Variants in SMARCA1 observed in about 807,000 individuals in gnomAD.
SMARCA1 encodes the protein SWI/SNF-related matrix-associated actin-dependent regulator of chromatin subfamily A member 1.
A neutral mutation model predicts 93.6 loss-of-function variants in SMARCA1; 17 were observed. The observed-to-expected ratio is 0.18, with a 90% CI of 0.12 to 0.27. The LOEUF is 0.27. Among genes scored for constraint, SMARCA1 ranks in the 10% least tolerant of loss-of-function variants. The probability of loss-of-function intolerance (pLI) is 1.00; values close to 1 mark genes in which losing one functional copy is unlikely to be tolerated. For missense variants in SMARCA1, 630 were observed against 819.0 expected, an observed-to-expected ratio of 0.77 and a Z score of 2.82; for synonymous variants, 271 against 271.4, an observed-to-expected ratio of 1.00 and a Z score of 0.01.
rs373290591 is a variant in SMARCA1 at position 129,490,082 on chromosome X, G to A, written c.1926C>T (p.Leu642=). Residue 642 remains leucine (L), a synonymous_variant, in exon 15 of 25, where the codon CTC becomes CTT. Coordinates refer to ENST00000371121, the MANE Select transcript of SMARCA1 (RefSeq NM_001282874.2). ...TACCTTGTTGTATAACAATTGAATC[G>A]AGTCTCAGTTTTATCTCAGCTCTTT... The part of the protein sequence containing the change: ...IVERAEIKLR[L]DSIVIQQGRL... The A allele has an allele frequency of 6.7e-6, 8 of 1,189,809 alleles. No homozygotes were observed. Among genetic ancestry groups the A allele is most frequent in the South Asian group, 3.6e-5 (2 of 55,050 alleles).
At chrX:129,473,889 T>C (rs1184090984) in intron 19 of SMARCA1, among the ~76,000 whole-genome samples, 4 of 111,610 alleles carry the variant, frequency 3.6e-5, no homozygotes, top group Non-Finnish European at 7.5e-5. Flanking sequence ...CATAAGTGTA[T>C]GCACTTGTGA....
At chrX:129,511,669 C>G (rs187230912) in intron 6 of SMARCA1, 135 bp downstream of exon 6, 1 of 427,771 alleles carries the variant, frequency 2.3e-6, no homozygotes, top group African/African-American at 2.5e-5. Context: ...AAAACAGAGT[C>G]TAGCTTAGAG....
chrX:129,447,842 C>A (rs1394176546), intron 24 of SMARCA1, among the ~76,000 whole-genome samples: 1 of 111,830 alleles, frequency 8.9e-6, no homozygotes, highest in Non-Finnish European at 1.9e-5. Context: ...ACAAAGCAAC[C>A]TGACTGGATT....
intron 7 of SMARCA1, among the ~76,000 whole-genome samples, chrX:129,506,700 AAAAAAAAAAAAAAAG>A (rs1360492126): frequency 3.0e-5 from 3 of 100,151 alleles, no homozygotes; most frequent in Non-Finnish European, 6.0e-5. Context: ...AAAAAAAAAA[AAAAAAAAAAAAAAAG>A]GAAGAAGAAT....
At chrX:129,466,209 G>A (rs1270981430) in intron 21 of SMARCA1, among the ~76,000 whole-genome samples, 2 of 111,300 alleles carry the variant, frequency 1.8e-5, no homozygotes, top group Admixed American at 9.6e-5. Flanking sequence ...GGAGTCTTAC[G>A]ATCCATCCCA....
At chrX:129,475,397 T>C (rs1254371614) in intron 19 of SMARCA1, among the ~76,000 whole-genome samples, 2 of 110,382 alleles carry the variant, frequency 1.8e-5, no homozygotes, top group African/African-American at 6.6e-5. Context: ...TGGGTACCTG[T>C]AATCCCAGCT....
chrX:129,522,652 G>A (rs1319534703), intron 1 of SMARCA1, among the ~76,000 whole-genome samples: 5 of 111,277 alleles, frequency 4.5e-5, no homozygotes, highest in African/African-American at 1.6e-4. Flanking sequence ...CATTGCCAAT[G>A]AAAGAAAGAA....
chrX:129,494,684 C>T (rs775174932), intron 12 of SMARCA1, among the ~76,000 whole-genome samples: 7 of 111,390 alleles, frequency 6.3e-5, no homozygotes, highest in Non-Finnish European at 1.1e-4. Context: ...GTACGTACTG[C>T]AATATGCCGT....
At chrX:129,476,636 CT>C (rs1167445120) in intron 19 of SMARCA1, among the ~76,000 whole-genome samples, 1 of 111,541 alleles carries the variant, frequency 9.0e-6, no homozygotes, top group Non-Finnish European at 1.9e-5. Context: ...GAAAGAGTCC[CT>C]TTTTGAGAAT....
intron 23 of SMARCA1, among the ~76,000 whole-genome samples, chrX:129,462,275 G>A (rs1219676052): frequency 8.9e-6 from 1 of 111,742 alleles, no homozygotes; most frequent in Non-Finnish European, 1.9e-5. Context: ...ATTCTCTGTA[G>A]TTCTAAGATG....
intron 9 of SMARCA1, among the ~76,000 whole-genome samples, chrX:129,500,760 C>T (rs1010914631): frequency 8.9e-6 from 1 of 112,004 alleles, no homozygotes; most frequent in African/African-American, 3.2e-5. Context: ...ATCTGCAATG[C>T]CAGTATCAAG....
intron 1 of SMARCA1, among the ~76,000 whole-genome samples, chrX:129,520,796 CAT>C (rs1263099221): frequency 6.2e-5 from 7 of 112,443 alleles, no homozygotes; most frequent in African/African-American, 2.3e-4. Context: ...CATAAACTAA[CAT>C]ATTATTTCTG....
intron 24 of SMARCA1, 75 bp from the exon 25 acceptor site, chrX:129,447,308 T>C: frequency 9.5e-7 from 1 of 1,053,208 alleles, no homozygotes; most frequent in Non-Finnish European, 1.2e-6. Flanking sequence ...AAATCTAGGA[T>C]GTAAATGCAT....
chrX:129,463,383 T>C (rs1413046014), intron 23 of SMARCA1, among the ~76,000 whole-genome samples: 1 of 111,852 alleles, frequency 8.9e-6, no homozygotes, highest in East Asian at 2.8e-4. Context: ...TTACTGCCAA[T>C]GTCTTCAGAG....
rs746496805 is a variant in SMARCA1 at position 129,476,622 on chromosome X, G to A, written c.2442+4079C>T. ...GGCTAACAATCCTTTAGGCAGAAAA[G>A]GGGGAAAGAGTCCCTTTTTGAGAAT... On this transcript the variant is annotated intron_variant, in intron 19 of 24. Transcript: ENST00000371121. Among the ~76,000 whole-genome samples, 6 of 111,577 alleles carry A rather than the reference G, an allele frequency of 5.4e-5. No individual in the cohort carries two copies. The Admixed American group carries it at 5.7e-4, about 11-fold the overall frequency.
intron 1 of SMARCA1, among the ~76,000 whole-genome samples, chrX:129,520,932 C>A (rs1024303890): frequency 1.2e-4 from 13 of 111,892 alleles, no homozygotes; most frequent in African/African-American, 4.2e-4. Context: ...GGTTGGAGTG[C>A]AGTGGTGGGA....
intron 14 of SMARCA1, 111 bp from the exon 15 acceptor site, chrX:129,490,303 C>T: frequency 2.2e-6 from 1 of 450,522 alleles, no homozygotes; most frequent in Non-Finnish European, 3.6e-6. Flanking sequence ...CTAGATCTGA[C>T]ACTTTGGAAA....
chrX:129,457,901 C>T (rs1312746988), intron 23 of SMARCA1, among the ~76,000 whole-genome samples: 1 of 111,798 alleles, frequency 8.9e-6, no homozygotes. Context: ...CTCTTTAAGG[C>T]TAAATATCCT....
At position 129,487,100 on chromosome X, in the gene SMARCA1, T is replaced by G; in HGVS notation, c.2135A>C (p.Glu712Ala). Residue 712 changes from glutamate to alanine, a missense_variant, in exon 17 of 25, where the codon GAG (glutamate) becomes GCG (alanine). This residue lies in a region of SMARCA1 where 382 missense variants were observed against 537.9 expected (regional missense o/e 0.71). Coordinates refer to ENST00000371121, the MANE Select transcript of SMARCA1 (RefSeq NM_001282874.2). ...EMNERLQKMG[E>A]SSLRNFRMDI... is the part of the protein sequence containing the mutation. ...CATTCTAAAATTTCTTAGAGAAGAC[T>G]CTCCCATTTTTTGCAGGCGTTCATT... 1 of 1,172,183 alleles carries G rather than the reference T, an allele frequency of 8.5e-7. No homozygotes were observed. The highest frequency in any genetic ancestry group is 3.0e-5 in the East Asian group (1 of 33,419).
Sources: allele counts gnomAD v4.1 joint callset (sites outside exome capture counted in the v4.1 genomes callset), GRCh38; gene constraint gnomAD v4.1.1; regional missense constraint gnomAD v4.1.1; transcripts MANE v1.5; gene names NCBI Gene and HGNC (gene_info 2026-07-23, HGNC 2026-07-21).